RPS6KA3: variants seen among roughly 807,000 people sequenced by gnomAD.
The protein encoded by RPS6KA3 is ribosomal protein S6 kinase alpha-3.
RPS6KA3 carries 4 observed loss-of-function variants against 67.2 expected under a neutral mutation model. The observed-to-expected ratio is 0.06, with a 90% CI of 0.03 to 0.14. The LOEUF (loss-of-function observed/expected upper bound fraction) is 0.14, where lower values mean the gene tolerates loss of function less well. RPS6KA3 is among the 10% of genes least tolerant of loss of function. RPS6KA3 has a pLI of 1.00. For missense variants in RPS6KA3, 204 were observed against 559.0 expected (o/e 0.36, Z 6.40); for synonymous variants, 182 against 183.7 (o/e 0.99, Z 0.07).
chrX:20,242,986 T>C (rs759541458), intron 1 of RPS6KA3, among the ~76,000 whole-genome samples: 1 of 111,295 alleles, frequency 9.0e-6, no homozygotes, highest in African/African-American at 3.3e-5. Context: ...AATCAGGTTA[T>C]ATTTTTTAAA....
intron 1 of RPS6KA3, among the ~76,000 whole-genome samples, chrX:20,258,877 T>C (rs1242031649): frequency 2.7e-5 from 3 of 111,997 alleles, no homozygotes; most frequent in African/African-American, 3.2e-5. Context: ...AATGTGGAGA[T>C]GTGACTCCAG....
intron 2 of RPS6KA3, among the ~76,000 whole-genome samples, chrX:20,223,994 A>G (rs1261019252): frequency 8.9e-6 from 1 of 111,762 alleles, no homozygotes; most frequent in Non-Finnish European, 1.9e-5. Flanking sequence ...ATTTATTAAT[A>G]AAGTTTTCTT....
At chrX:20,187,036 T>C (rs2068002074) in intron 9 of RPS6KA3, among the ~76,000 whole-genome samples, 2 of 110,087 alleles carry the variant, frequency 1.8e-5, no homozygotes, top group African/African-American at 6.6e-5. Context: ...GGTTTCACCA[T>C]GTTGTCCAGG....
intron 1 of RPS6KA3, among the ~76,000 whole-genome samples, chrX:20,236,340 G>A (rs2069410902): frequency 9.0e-6 from 1 of 111,672 alleles, no homozygotes; most frequent in South Asian, 3.7e-4. Context: ...TCCCTTACTG[G>A]AAAAAGGAGT....
At chrX:20,216,111 G>A (rs2068842070) in intron 2 of RPS6KA3, among the ~76,000 whole-genome samples, 1 of 111,677 alleles carries the variant, frequency 9.0e-6, no homozygotes, top group Non-Finnish European at 1.9e-5. Context: ...ATGGATATCT[G>A]TCCATTCATT....
At chrX:20,191,880 C>A (rs771026115) in intron 7 of RPS6KA3, among the ~76,000 whole-genome samples, 30 of 110,843 alleles carry the variant, frequency 2.7e-4, no homozygotes, top group Admixed American at 2.6e-3. Context: ...GATTCTCCTG[C>A]CTCAGTCTCC....
intron 1 of RPS6KA3, among the ~76,000 whole-genome samples, chrX:20,253,330 GTTGT>G (rs1451028202): frequency 2.7e-5 from 3 of 110,872 alleles, no homozygotes; most frequent in Non-Finnish European, 5.7e-5. Flanking sequence ...CTTTCCCCCA[GTTGT>G]TTGTCTAAAG....
chrX:20,258,935 T>C lies in RPS6KA3; in HGVS notation c.69+7629A>G, dbSNP rs969945423. Among the ~76,000 whole-genome samples, 6 of 111,899 alleles carry C rather than the reference T, an allele frequency of 5.4e-5. No homozygotes were observed. In the Admixed American group the frequency reaches 5.7e-4, roughly 11 times the overall value. On this transcript the variant is annotated intron_variant, in intron 1 of 21. Coordinates refer to ENST00000379565, the MANE Select transcript of RPS6KA3 (RefSeq NM_004586.3). ...AATTTAAAGCTGCCTGTTTTTTAGT[T>C]CATTCATGTTCTACTTTCTAGCTGA...
At chrX:20,214,881 C>T (rs375180380) in intron 2 of RPS6KA3, among the ~76,000 whole-genome samples, 7 of 103,290 alleles carry the variant, frequency 6.8e-5, no homozygotes, top group East Asian at 6.0e-4. Flanking sequence ...CTCTGTCACC[C>T]ACGCTGGAGT....
intron 11 of RPS6KA3, 137 bp downstream of exon 11, chrX:20,176,859 T>C (rs1024666419): frequency 3.9e-6 from 2 of 507,957 alleles, no homozygotes; most frequent in Non-Finnish European, 6.8e-6. Flanking sequence ...CCCAAAGTGC[T>C]GGGATTACAG....
At chrX:20,249,784 T>C (rs1231921141) in intron 1 of RPS6KA3, among the ~76,000 whole-genome samples, 1 of 112,574 alleles carries the variant, frequency 8.9e-6, no homozygotes, top group African/African-American at 3.2e-5. Context: ...AATTTATTGT[T>C]TTCTTCTTTT....
intron 4 of RPS6KA3, among the ~76,000 whole-genome samples, chrX:20,202,875 G>A (rs1296763107): frequency 8.9e-6 from 1 of 112,026 alleles, no homozygotes; most frequent in Non-Finnish European, 1.9e-5. Context: ...AGAAAGGCAG[G>A]GGATTGAGGA....
chrX:20,193,038 G>A (rs888777498), intron 7 of RPS6KA3, among the ~76,000 whole-genome samples: 4 of 112,061 alleles, frequency 3.6e-5, no homozygotes, highest in African/African-American at 1.3e-4. Context: ...AATACTTTGG[G>A]AGGCTGAGGC....
intron 10 of RPS6KA3, among the ~76,000 whole-genome samples, chrX:20,183,359 T>A (rs1365565180): frequency 9.1e-6 from 1 of 110,090 alleles, no homozygotes; most frequent in African/African-American, 3.3e-5. Context: ...AGGTGTGCAC[T>A]ACCACACCTG....
At chrX:20,253,183 C>T (rs1287607722) in intron 1 of RPS6KA3, among the ~76,000 whole-genome samples, 1 of 106,055 alleles carries the variant, frequency 9.4e-6, no homozygotes, top group African/African-American at 3.5e-5. Context: ...TCTGATCTCC[C>T]CAGCCCACAC....
rs1308735499 is a variant in RPS6KA3, at chrX:20,232,604, ACAAACAAAAAACTTC to A, written c.126+2139_126+2153del. On this transcript the variant is annotated intron_variant, in intron 2 of 21. Transcript: ENST00000379565. ...AAACAAACAAACAAACAAAAAACAA[ACAAACAAAAAACTTC>A]CGTACATACTACAATGAAAGGCACA... 1.4e-3 allele frequency among the ~76,000 whole-genome samples: 153 copies of A among 111,252 alleles called. 1 individual carries two copies. The highest frequency in any genetic ancestry group is 4.7e-3 in the African/African-American group (145 of 30,562).
At position 20,155,164 on chromosome X, in the gene RPS6KA3, A is replaced by G. The variant is rs980514900; in HGVS notation, c.*234T>C. ...TTTTTCTCATTGATTCAGTGACTAT[A>G]TCTTCATCATGTTTCCATTTTCATT... On this transcript the variant is annotated 3_prime_UTR_variant, in exon 22 of 22. Transcript: ENST00000379565. 7 of 419,404 alleles carry G rather than the reference A, an allele frequency of 1.7e-5. No individual in the cohort carries two copies. The highest frequency in any genetic ancestry group is 2.1e-5 in the Non-Finnish European group (5 of 238,900). 34.6% of individuals were successfully genotyped at this position (419,404 alleles called of 1,213,427 possible).
At position 20,266,736 on chromosome X, in the gene RPS6KA3, G is replaced by C; in HGVS notation, c.-104C>G. ...GAGCCCCACGGCAGCGGCGGCGGCGGCGGCGGCGGCGGCAGCGGCAGCGGC... is the reference window on the plus strand; with the variant it reads ...GAGCCCCACGGCAGCGGCGGCGGCGCCGGCGGCGGCGGCAGCGGCAGCGGC... On this transcript the variant is annotated 5_prime_UTR_variant, in exon 1 of 22. Coordinates refer to ENST00000379565, the MANE Select transcript of RPS6KA3 (RefSeq NM_004586.3). The C allele has an allele frequency of 3.0e-6, 1 of 332,044 alleles. No homozygotes were observed. Among genetic ancestry groups the C allele is most frequent in the Non-Finnish European group, 3.5e-6 (1 of 289,058 alleles). The allele number at this position is 332,044 out of a possible 1,213,427, so 27.4% of individuals were successfully genotyped here.
intron 3 of RPS6KA3, among the ~76,000 whole-genome samples, 160 bp downstream of exon 3, chrX:20,209,128 T>C (rs1343431742): frequency 8.9e-6 from 1 of 112,317 alleles, no homozygotes; most frequent in Non-Finnish European, 1.9e-5. Context: ...AACAACTTTA[T>C]TCACTTTCCC....
Sources: allele counts gnomAD v4.1 joint callset (sites outside exome capture counted in the v4.1 genomes callset), GRCh38; gene constraint gnomAD v4.1.1; transcripts MANE v1.5; gene names NCBI Gene and HGNC (gene_info 2026-07-23, HGNC 2026-07-21).